The following TCF4 variants were observed in gnomAD, a reference collection of about 807,000 sequenced individuals.
TCF4 encodes transcription factor 4.
In TCF4, 3 loss-of-function variants were observed where a neutral mutation model predicts 82.1. That is an observed-to-expected ratio of 0.04 (90% confidence interval 0.02 to 0.09). The LOEUF (loss-of-function observed/expected upper bound fraction) is 0.09. Ranked by LOEUF, TCF4 falls within the 10% of genes least tolerant of loss-of-function variation. TCF4 has a pLI of 1.00. For missense variants in TCF4, 518 were observed against 852.7 expected (o/e 0.61, Z 4.89); for synonymous variants, 276 against 309.6 (o/e 0.89, Z 1.14).
intron 6 of TCF4, among the ~76,000 whole-genome samples, chr18:55,357,747 T>C (rs148387173): frequency 7.2e-5 from 11 of 152,262 alleles, no homozygotes; most frequent in African/African-American, 1.4e-4. Flanking sequence ...TTTATGTAGG[T>C]TGGCCTCCCT....
In TCF4 at chr18:55,281,030, C is replaced by T. The variant is rs141577381; in HGVS notation, c.550-1374G>A. Among the ~76,000 whole-genome samples, 52 of 152,264 alleles carry T rather than the reference C, an allele frequency of 3.4e-4. No homozygotes were observed. In the East Asian group the frequency reaches 0.01, roughly 29 times the overall value. On this transcript the variant is annotated intron_variant, in intron 8 of 19. Coordinates refer to ENST00000354452, the MANE Select transcript of TCF4 (RefSeq NM_001083962.2). ...AACAAAAACAAACCAGAAAAGCCCA[C>T]TCGCACTTCAGAAAACAGGGATTTT...
At chr18:55,253,204 T>C (rs192554762) in intron 15 of TCF4, among the ~76,000 whole-genome samples, 67 of 152,312 alleles carry the variant, frequency 4.4e-4, no homozygotes, top group East Asian at 3.1e-3. Flanking sequence ...CTTAGACTTT[T>C]ATTAAGAGAA....
At chr18:55,585,924 C>A in intron 2 of TCF4, 3 of 1,254,002 alleles carry the variant, frequency 2.4e-6, no homozygotes, top group Non-Finnish European at 3.0e-6. Flanking sequence ...TTTATTTCGA[C>A]CCTAATTGGT....
At chr18:55,319,157 C>T (rs1226174683) in intron 8 of TCF4, among the ~76,000 whole-genome samples, 3 of 152,122 alleles carry the variant, frequency 2.0e-5, no homozygotes, top group Non-Finnish European at 4.4e-5. Flanking sequence ...CATGCACATA[C>T]ACACAAAAAA....
intron 8 of TCF4, among the ~76,000 whole-genome samples, chr18:55,298,358 A>C (rs2146848925): frequency 6.6e-6 from 1 of 152,352 alleles, no homozygotes; most frequent in Admixed American, 6.5e-5. Flanking sequence ...GTTAGGGCTG[A>C]GAAGATTCAA....
At chr18:55,359,459 G>A (rs1231397093) in intron 6 of TCF4, among the ~76,000 whole-genome samples, 1 of 152,192 alleles carries the variant, frequency 6.6e-6, no homozygotes, top group African/African-American at 2.4e-5. Context: ...AGCGCAGAAA[G>A]TGAACTCTGA....
chr18:55,512,905 A>G (rs933529087), intron 3 of TCF4, among the ~76,000 whole-genome samples: 4 of 152,194 alleles, frequency 2.6e-5, no homozygotes, highest in African/African-American at 9.6e-5. Context: ...CAATAGGCAA[A>G]GTAAGTGCTT....
intron 17 of TCF4, chr18:55,231,919 TA>T (rs2048034095): frequency 6.6e-6 from 1 of 152,510 alleles, no homozygotes; most frequent in South Asian, 2.1e-4. Context: ...ATTACCAGAT[TA>T]AAGTTCAAGG....
intron 8 of TCF4, among the ~76,000 whole-genome samples, chr18:55,327,443 C>A (rs1480825145): frequency 6.6e-6 from 1 of 152,050 alleles, no homozygotes; most frequent in Non-Finnish European, 1.5e-5. Flanking sequence ...TTGGAAGATG[C>A]TTTTATCACA....
chr18:55,295,677 G>A (rs941204185), intron 8 of TCF4, among the ~76,000 whole-genome samples: 1 of 152,118 alleles, frequency 6.6e-6, no homozygotes, highest in South Asian at 2.1e-4. Flanking sequence ...CTCACAAGTC[G>A]CTTTTTGATC....
At chr18:55,546,916 C>T (rs987812710) in intron 3 of TCF4, 1 of 152,206 alleles carries the variant, frequency 6.6e-6, no homozygotes, top group African/African-American at 2.4e-5. Context: ...TTCCATCAAT[C>T]AGAGTAAGTG....
At chr18:55,278,718 A>G (rs73488976) in intron 9 of TCF4, among the ~76,000 whole-genome samples, 10,150 of 151,984 alleles carry the variant, frequency 0.067, 451 homozygotes, top group African/African-American at 0.12. Flanking sequence ...ACAGGTGCCC[A>G]CCACCACGCC....
intron 6 of TCF4, among the ~76,000 whole-genome samples, chr18:55,398,545 C>T (rs763400624): frequency 7.9e-5 from 12 of 152,150 alleles, no homozygotes; most frequent in Non-Finnish European, 1.5e-4. Context: ...GTGGGTGTCT[C>T]TCCACGGTAT....
chr18:55,575,990 ATGG>A (rs1161044203), intron 3 of TCF4, among the ~76,000 whole-genome samples: 2 of 152,224 alleles, frequency 1.3e-5, no homozygotes, highest in African/African-American at 4.8e-5. Context: ...GACACTGGTC[ATGG>A]TGATGCCAGT....
Position 55,634,563 on chromosome 18 carries a change from T to C in TCF4, c.195+1140A>G, listed in dbSNP as rs111935424. ...TAGTGTGGAGGAATAGGTGCAAGCA[T>C]GGTCAGAAAGATAGTTTGGGCCATA... On this transcript the variant is annotated intron_variant, in intron 1 of 20. Coordinates refer to the TCF4 transcript ENST00000398339. Among the ~76,000 whole-genome samples, 1,298 of 152,292 alleles carry C rather than the reference T, an allele frequency of 8.5e-3. 12 individuals carry two copies. Among genetic ancestry groups the C allele is most frequent in the Non-Finnish European group, 0.016 (1,058 of 68,026 alleles).
chr18:55,451,693 G>A (rs2095626192), intron 5 of TCF4, among the ~76,000 whole-genome samples: 1 of 152,182 alleles, frequency 6.6e-6, no homozygotes. Flanking sequence ...TGAAGCCATG[G>A]AGTAATGAGA....
chr18:55,351,076 A>G (rs534486961), intron 6 of TCF4, 73 bp from the exon 7 acceptor site: 385 of 1,590,770 alleles, frequency 2.4e-4, no homozygotes, highest in Non-Finnish European at 3.0e-4. Context: ...ACTGATTGTT[A>G]GTACTTAAAC....
intron 8 of TCF4, among the ~76,000 whole-genome samples, chr18:55,323,285 C>T (rs1007822348): frequency 6.6e-6 from 1 of 152,088 alleles, no homozygotes; most frequent in Non-Finnish European, 1.5e-5. Context: ...AAATGCCACC[C>T]GAGCATACAT....
At chr18:55,344,768 G>A (rs1481276107) in intron 8 of TCF4, among the ~76,000 whole-genome samples, 1 of 152,092 alleles carries the variant, frequency 6.6e-6, no homozygotes, top group African/African-American at 2.4e-5. Flanking sequence ...ATGGGGTGCT[G>A]CTGGCCAGGA....
Sources: gnomAD v4.1 joint callset for allele counts (sites outside exome capture counted in the v4.1 genomes callset) on GRCh38, gnomAD v4.1.1 for gene constraint, MANE v1.5 for transcripts, NCBI Gene and HGNC (gene_info 2026-07-23, HGNC 2026-07-21) for gene names.